The following KCTD3 variants were observed in gnomAD, a reference collection of about 807,000 sequenced individuals.
The protein encoded by KCTD3 is potassium channel tetramerization domain containing 3.
KCTD3 carries 41 observed loss-of-function variants against 85.8 expected under a neutral mutation model. That is an observed-to-expected ratio of 0.48 (90% CI 0.37 to 0.62). KCTD3 has a LOEUF of 0.62. KCTD3 is among the 20% of genes least tolerant of loss of function. The pLI, the probability that KCTD3 is intolerant of heterozygous loss-of-function variation, is 0.00. For missense variants in KCTD3, 724 were observed against 989.9 expected (o/e 0.73, Z 3.60); for synonymous variants, 338 against 345.4 (o/e 0.98, Z 0.24).
At chr1:215,587,160 C>T (rs1190663147) in intron 9 of KCTD3, among the ~76,000 whole-genome samples, 1 of 148,894 alleles carries the variant, frequency 6.7e-6, no homozygotes, top group Non-Finnish European at 1.5e-5. Context: ...GACTGAGTCT[C>T]GCTCTGTCGC....
At chr1:215,605,666 T>C (rs997083683) in intron 13 of KCTD3, among the ~76,000 whole-genome samples, 3 of 152,158 alleles carry the variant, frequency 2.0e-5, no homozygotes, top group Non-Finnish European at 4.4e-5. Context: ...TAAAACTTAA[T>C]GATTTCTCCC....
At position 215,620,651 on chromosome 1, in the gene KCTD3, A is replaced by G. The variant is rs1464293888; in HGVS notation, c.*33A>G. The G allele has an allele frequency of 2.1e-6, 3 of 1,427,784 alleles. No individual in the cohort carries two copies. Among genetic ancestry groups the G allele is most frequent in the Non-Finnish European group, 2.9e-6 (3 of 1,051,070 alleles). The allele number at this position is 1,427,784 out of a possible 1,614,324, so 88.4% of individuals were successfully genotyped here. A position where few individuals can be genotyped will look rare whatever the true frequency, so the allele number is the denominator to read the frequency against. ...CCAAAATGAATAGTTGTTTCGTTAC[A>G]TTTAGATGAAAGTTAAACTTTACTG... On this transcript the variant is annotated 3_prime_UTR_variant, in exon 18 of 18. Coordinates refer to ENST00000259154, the MANE Select transcript of KCTD3 (RefSeq NM_016121.5).
Position 215,567,471 on chromosome 1 carries a change from C to A in KCTD3, c.-215C>A. 3.7e-6 allele frequency: 1 copy of A among 268,974 alleles called. No individual in the cohort carries two copies. The highest frequency in any genetic ancestry group is 6.9e-6 in the Non-Finnish European group (1 of 144,976). The allele number at this position is 268,974 out of a possible 1,614,324, so 16.7% of individuals were successfully genotyped here. A position where few individuals can be genotyped will look rare whatever the true frequency, so the allele number is the denominator to read the frequency against. The stretch of plus-strand genomic sequence containing the variant: ...CCGCGAAAGGTGGAGGCCGGGCCGC[C>A]CTTGTGCACCGCAGGATTGACCCGG... On this transcript the variant is annotated 5_prime_UTR_variant, in exon 1 of 18. Coordinates refer to ENST00000259154, the MANE Select transcript of KCTD3 (RefSeq NM_016121.5).
intron 6 of KCTD3, among the ~76,000 whole-genome samples, chr1:215,578,761 A>G (rs1458562856): frequency 6.6e-6 from 1 of 152,188 alleles, no homozygotes; most frequent in Non-Finnish European, 1.5e-5. Context: ...AAGCTTATTT[A>G]TTGTAAACAG....
At chr1:215,568,723 A>T (rs1002449269) in intron 1 of KCTD3, among the ~76,000 whole-genome samples, 1 of 152,138 alleles carries the variant, frequency 6.6e-6, no homozygotes, top group Admixed American at 6.5e-5. Context: ...CAGCATTTTA[A>T]AAGTATTTTA....
At chr1:215,594,760 C>T (rs750201441) in intron 9 of KCTD3, among the ~76,000 whole-genome samples, 1 of 152,098 alleles carries the variant, frequency 6.6e-6, no homozygotes. Context: ...ATGGAGATTG[C>T]AGTGCTGGAA....
rs546568943 is a variant in KCTD3 at position 215,618,826 on chromosome 1, T to C, written c.1563-60T>C. ...CTTTCTTTCTGTCTTTTTAGTTTCA[T>C]AGCTTCTTTTTAAATAATTGCTCAT... is the stretch of plus-strand genomic sequence containing the variant. On this transcript the variant is annotated intron_variant, in intron 15 of 17. Coordinates refer to ENST00000259154, the MANE Select transcript of KCTD3 (RefSeq NM_016121.5). 319 of 1,264,678 alleles carry C rather than the reference T, an allele frequency of 2.5e-4. 1 individual carries two copies. The African/African-American group carries it at 4.4e-3, about 18-fold the overall frequency. 78.3% of individuals were successfully genotyped at this position (1,264,678 alleles called of 1,614,324 possible).
chr1:215,597,457 C>T (rs576911224), intron 10 of KCTD3, among the ~76,000 whole-genome samples: 50 of 152,228 alleles, frequency 3.3e-4, no homozygotes, highest in African/African-American at 6.0e-4. Context: ...ATAGGTTATA[C>T]ATGTTTCATT....
intron 8 of KCTD3, among the ~76,000 whole-genome samples, chr1:215,582,610 A>G (rs937680781): frequency 3.9e-5 from 6 of 152,074 alleles, no homozygotes; most frequent in African/African-American, 1.4e-4. Flanking sequence ...CACCCAGGCT[A>G]GAGTGCAGTG....
At chr1:215,569,896 TTG>T (rs931449712) in intron 1 of KCTD3, among the ~76,000 whole-genome samples, 18 of 152,028 alleles carry the variant, frequency 1.2e-4, no homozygotes, top group Admixed American at 9.2e-4. Context: ...CTTCAGAAAA[TTG>T]TTAAGATAAA....
chr1:215,612,007 AG>A (rs1186038584), intron 15 of KCTD3, 86 bp downstream of exon 15: 3 of 863,012 alleles, frequency 3.5e-6, no homozygotes, highest in African/African-American at 1.7e-5. Flanking sequence ...TATTGACCAA[AG>A]AGTGCTACTA....
intron 8 of KCTD3, among the ~76,000 whole-genome samples, chr1:215,585,050 C>T (rs981560111): frequency 2.0e-5 from 3 of 151,998 alleles, no homozygotes; most frequent in Non-Finnish European, 4.4e-5. Context: ...CATGGTTTCC[C>T]AGGAAGATGT....
chr1:215,595,725 A>G (rs540302458), intron 10 of KCTD3, among the ~76,000 whole-genome samples: 4 of 152,334 alleles, frequency 2.6e-5, no homozygotes, highest in Admixed American at 1.3e-4. Context: ...TCGAAGTTCT[A>G]TGCCTTGAGC....
chr1:215,574,015 G>A (rs1659472593), intron 2 of KCTD3, 58 bp from the exon 3 acceptor site: 3 of 1,259,426 alleles, frequency 2.4e-6, no homozygotes, highest in African/African-American at 1.5e-5. Context: ...TAAAGAATTA[G>A]CACATTTGTT....
At chr1:215,614,316 C>A (rs930327484) in intron 15 of KCTD3, among the ~76,000 whole-genome samples, 4 of 152,072 alleles carry the variant, frequency 2.6e-5, no homozygotes, top group Non-Finnish European at 4.4e-5. Flanking sequence ...CAGGCGTGAG[C>A]CACTGCATCC....
At chr1:215,601,393 A>G (rs1654828678) in intron 10 of KCTD3, among the ~76,000 whole-genome samples, 1 of 152,216 alleles carries the variant, frequency 6.6e-6, no homozygotes, top group Non-Finnish European at 1.5e-5. Context: ...GAGAAATAAT[A>G]AATTATCAAG....
At chr1:215,574,903 C>G (rs1659514881) in intron 3 of KCTD3, among the ~76,000 whole-genome samples, 1 of 152,070 alleles carries the variant, frequency 6.6e-6, no homozygotes, top group Non-Finnish European at 1.5e-5. Flanking sequence ...GTTTTTATGG[C>G]CAGATCTTTT....
Position 215,616,943 on chromosome 1 carries a change from TGGCACTTTCA to T in KCTD3, c.1563-1941_1563-1932del, listed in dbSNP as rs1655475066. ...AAAGACCAAGATGGGAGTAGAAGGT[TGGCACTTTCA>T]GCCCCACCCAGCAACCTTTGAGAAG... On this transcript the variant is annotated intron_variant, in intron 15 of 17. Transcript: ENST00000259154. Among the ~76,000 whole-genome samples, 3 of 152,332 alleles carry T rather than the reference TGGCACTTTCA, an allele frequency of 2.0e-5. No individual in the cohort carries two copies. In the East Asian group the frequency reaches 5.8e-4, roughly 29 times the overall value.
chr1:215,602,387 C>T (rs761055803), intron 12 of KCTD3, among the ~76,000 whole-genome samples, 186 bp downstream of exon 12: 1 of 150,622 alleles, frequency 6.6e-6, no homozygotes, highest in African/African-American at 2.4e-5. Context: ...GACCAGTAAA[C>T]AAACATAATT....
Sources: gnomAD v4.1 joint callset for allele counts (sites outside exome capture counted in the v4.1 genomes callset) on GRCh38, gnomAD v4.1.1 for gene constraint, MANE v1.5 for transcripts, NCBI Gene and HGNC (gene_info 2026-07-23, HGNC 2026-07-21) for gene names.